The following TLR1 variants were observed in gnomAD, a reference collection of about 807,000 sequenced individuals.
The protein encoded by TLR1 is toll like receptor 1, also known as toll-like receptor 1.
TLR1 carries 19 observed loss-of-function variants against 20.2 expected under a neutral mutation model. The observed-to-expected ratio is 0.94, with a 90% CI of 0.66 to 1.38. TLR1 has a LOEUF of 1.38. Ranked by LOEUF, TLR1 falls within the 40% of genes most tolerant of loss-of-function variation. TLR1 has a pLI of 0.00. For missense variants in TLR1, 921 were observed against 910.0 expected, an observed-to-expected ratio of 1.01 and a Z score of -0.16; for synonymous variants, 320 against 334.5, an observed-to-expected ratio of 0.96 and a Z score of 0.47.
At chr4:38,795,174 C>T (rs1579197162), downstream of TLR1, among the ~76,000 whole-genome samples, 1 of 151,852 alleles carries the variant, frequency 6.6e-6, no homozygotes, top group African/African-American at 2.4e-5. Flanking sequence ...CTTCCCATCC[C>T]GTAGTGTTAT....
At chr4:38,795,343 G>A (rs1161518297), downstream of TLR1, among the ~76,000 whole-genome samples, 2 of 152,152 alleles carry the variant, frequency 1.3e-5, no homozygotes, top group Non-Finnish European at 2.9e-5. Context: ...CCCAGAGCTG[G>A]CTGCTGGAGT....
chr4:38,789,204 G>A (rs1396720833), downstream of TLR1, among the ~76,000 whole-genome samples: 2 of 152,124 alleles, frequency 1.3e-5, no homozygotes, highest in African/African-American at 4.8e-5. Context: ...TCCACCTTCA[G>A]CGATGTCATG....
downstream of TLR1, among the ~76,000 whole-genome samples, chr4:38,793,394 C>T (rs1047355050): frequency 2.0e-5 from 3 of 152,152 alleles, no homozygotes; most frequent in African/African-American, 7.2e-5. Flanking sequence ...AAATACATGA[C>T]GGAGCTAGAA....
chr4:38,788,676 A>C (rs1725654797), downstream of TLR1, among the ~76,000 whole-genome samples: 1 of 152,220 alleles, frequency 6.6e-6, no homozygotes, highest in African/African-American at 2.4e-5. Flanking sequence ...AAAAATAATC[A>C]TTATTAAAAA....
In TLR1 at chr4:38,798,365, A is replaced by C. The variant is rs1205303403; in HGVS notation, c.467T>G (p.Val156Gly). 2.5e-6 allele frequency: 4 copies of C among 1,613,994 alleles called. No homozygotes were observed. The highest frequency in any genetic ancestry group is 3.4e-6 in the Non-Finnish European group (4 of 1,179,956). Residue 156 changes from valine (V) to glycine (G), a missense_variant, in exon 4 of 4, where the codon GTG (valine) becomes GGG (glycine). By Grantham distance (109) the Val-to-Gly change is moderately radical. Transcript: ENST00000308979. ...LSTTHLEKSS[V>G]LPIAHLNISK... ...GATATTCAAATGAGCAATTGGCAGC[A>C]CACTAGATTTTTCTAAGTGTGTGGT... is the stretch of plus-strand genomic sequence containing the variant.
chr4:38,788,734 T>A (rs1354813473), downstream of TLR1, among the ~76,000 whole-genome samples: 1 of 152,190 alleles, frequency 6.6e-6, no homozygotes, highest in African/African-American at 2.4e-5. Flanking sequence ...TAGGGCCAAG[T>A]GCAGTGACTC....
Position 38,798,640 on chromosome 4 carries a change from G to T in TLR1, c.192C>A (p.Asp64Glu), listed in dbSNP as rs750147085. The T allele has an allele frequency of 6.2e-6, 10 of 1,613,824 alleles. No homozygotes were observed. The Middle Eastern group carries it at 4.9e-4, about 80-fold the overall frequency. ...QNYISELWTS[D>E]ILSLSKLRIL... The stretch of plus-strand genomic sequence containing the variant: ...TCCTCAGTTTTGACAGTGATAAGAT[G>T]TCAGAAGTCCAAAGCTCAGATATAT... Residue 64 changes from aspartate to glutamate, a missense_variant, in exon 4 of 4, where the codon GAC becomes GAA. Physicochemically the swap from Asp to Glu is conservative, Grantham distance 45. Coordinates refer to ENST00000308979, the MANE Select transcript of TLR1 (RefSeq NM_003263.4).
At chr4:38,802,410 T>C (rs1726732227) in intron 2 of TLR1, among the ~76,000 whole-genome samples, 1 of 152,128 alleles carries the variant, frequency 6.6e-6, no homozygotes, top group Non-Finnish European at 1.5e-5. Context: ...GTGACCTTCC[T>C]CTAGGAAGAC....
At chr4:38,794,636 A>G (rs1579196354), downstream of TLR1, 1 of 125,432 alleles carries the variant, frequency 8.0e-6, no homozygotes, top group South Asian at 2.5e-4. Context: ...GACCTAATGG[A>G]AAAAAAAAAA....
At chr4:38,804,603 CAGTACAAACT>C (rs1726904991) in intron 1 of TLR1, among the ~76,000 whole-genome samples, 141 bp downstream of exon 1, 1 of 152,164 alleles carries the variant, frequency 6.6e-6, no homozygotes, top group Non-Finnish European at 1.5e-5. Flanking sequence ...ACACAAATGC[CAGTACAAACT>C]ACACAGTAAC....
chr4:38,796,135 G>A (rs563121931), downstream of TLR1: 6 of 232,898 alleles, frequency 2.6e-5, no homozygotes, highest in Admixed American at 5.0e-5. Flanking sequence ...CAAAAGTCAC[G>A]GCATTTTCCA....
At position 38,798,754 on chromosome 4, in the gene TLR1, T is replaced by G. The variant is rs1390288140; in HGVS notation, c.78A>C (p.Glu26Asp). 2 of 1,612,536 alleles carry G rather than the reference T, an allele frequency of 1.2e-6. No individual in the cohort carries two copies. Among genetic ancestry groups the G allele is most frequent in the Non-Finnish European group, 1.7e-6 (2 of 1,179,790 alleles). ...CGTTTTTTGACCTATCAACTAAAAA[T>G]TCACTTTCTTCAGATAATTGTATTC... ...QIRIQLSEES[E>D]FLVDRSKNGL... The change falls in exon 4 of 4, where the codon GAA becomes GAC. Residue 26 changes from glutamate (E) to aspartate (D), a missense_variant. Transcript: ENST00000308979.
Position 38,796,876 on chromosome 4 carries a change from C to G in TLR1, c.1956G>C (p.Lys652Asn). ...SYSGHDSFWV[K>N]NELLPNLEKE... ...TCTCTAGGTTTGGCAATAATTCATT[C>G]TTCACCCAGAAAGAATCGTGCCCAC... The change falls in exon 4 of 4, where the codon AAG becomes AAC. Residue 652 changes from lysine (K) to asparagine (N), a missense_variant. Transcript: ENST00000308979. The G allele has an allele frequency of 6.2e-7, 1 of 1,614,212 alleles. No homozygotes were observed. Among genetic ancestry groups the G allele is most frequent in the Non-Finnish European group, 8.5e-7 (1 of 1,180,038 alleles).
chr4:38,790,682 C>A (rs1725694855), downstream of TLR1: 1 of 152,028 alleles, frequency 6.6e-6, no homozygotes, highest in Non-Finnish European at 1.5e-5. Context: ...ATCTCTTTTT[C>A]TGATTCTGGA....
At position 38,797,777 on chromosome 4, in the gene TLR1, T is replaced by G; in HGVS notation, c.1055A>C (p.His352Pro). 6.2e-7 allele frequency: 1 copy of G among 1,614,172 alleles called. No individual in the cohort carries two copies. Among genetic ancestry groups the G allele is most frequent in the Non-Finnish European group, 8.5e-7 (1 of 1,180,008 alleles). The change falls in exon 4 of 4, where the codon CAT becomes CCT. Residue 352 changes from histidine (H) to proline (P), a missense_variant. His to Pro is a moderately conservative substitution (Grantham distance 77, BLOSUM62 -2). Coordinates refer to ENST00000308979, the MANE Select transcript of TLR1 (RefSeq NM_003263.4). ...TAAGAGATTATTGGAAAAATCCAAA[T>G]GCAGGAACGGGCTAATTTTGGATGG... Reference protein sequence around the residue: ...LCPSKISPFLHLDFSNNLLTD... With the variant: ...LCPSKISPFLPLDFSNNLLTD...
chr4:38,803,712 G>A (rs372000788), intron 2 of TLR1, among the ~76,000 whole-genome samples: 3 of 152,188 alleles, frequency 2.0e-5, no homozygotes, highest in African/African-American at 4.8e-5. Context: ...TTTGATCAAC[G>A]TCTTAATGAC....
In TLR1 at chr4:38,796,411, G is replaced by T; in HGVS notation, c.*60C>A. 2 of 1,552,542 alleles carry T rather than the reference G, an allele frequency of 1.3e-6. No homozygotes were observed. The highest frequency in any genetic ancestry group is 1.8e-6 in the Non-Finnish European group (2 of 1,142,838). ...TATGCTGATGCAAAATAAAGTCATTGTTGGAACTTCCAAAAGCAGCAATAT... is the reference window on the plus strand; with the variant it reads ...TATGCTGATGCAAAATAAAGTCATTTTTGGAACTTCCAAAAGCAGCAATAT... On this transcript the variant is annotated 3_prime_UTR_variant, in exon 4 of 4. Coordinates refer to ENST00000308979, the MANE Select transcript of TLR1 (RefSeq NM_003263.4).
chr4:38,798,151 A>G lies in TLR1; in HGVS notation c.681T>C (p.Asp227=). 1.9e-6 allele frequency: 3 copies of G among 1,614,026 alleles called. No homozygotes were observed. The highest frequency in any genetic ancestry group is 2.5e-6 in the Non-Finnish European group (3 of 1,179,918). Residue 227 remains aspartate, a synonymous_variant, in exon 4 of 4, where the codon GAT becomes GAC. Coordinates refer to ENST00000308979, the MANE Select transcript of TLR1 (RefSeq NM_003263.4). ...ELSNIKCVLE[D]NKCSYFLSIL... Reference sequence around the variant, plus strand: ...TACTTAGGAAGTAAGAACATTTGTTATCTTCTAGCACACATTTGATATTAG... The same window carrying G: ...TACTTAGGAAGTAAGAACATTTGTTGTCTTCTAGCACACATTTGATATTAG...
rs752264974 is a variant in TLR1 at position 38,798,795 on chromosome 4, A to C, written c.37T>G (p.Leu13Val). ...AATTGTATTCTGATCTGAAGTATTA[A>C]CATGAAGATAATGGCAAAATGGAAG... ...SIFHFAIIFMLILQIRIQLSE... is the reference protein window; with the variant it reads ...SIFHFAIIFMVILQIRIQLSE... The change falls in exon 4 of 4, where the codon TTA (leucine) becomes GTA (valine). Residue 13 changes from leucine to valine, a missense_variant. Physicochemically the swap from Leu to Val is conservative, Grantham distance 32 (BLOSUM62 1). Transcript: ENST00000308979. The C allele has an allele frequency of 5.6e-6, 9 of 1,603,678 alleles. No homozygotes were observed. The highest frequency in any genetic ancestry group is 7.7e-6 in the Non-Finnish European group (9 of 1,175,858).
Sources: allele counts gnomAD v4.1 joint callset (sites outside exome capture counted in the v4.1 genomes callset), GRCh38; gene constraint gnomAD v4.1.1; transcripts MANE v1.5; gene names NCBI Gene and HGNC (gene_info 2026-07-23, HGNC 2026-07-21).